The following CACNA2D1 variants were observed in gnomAD, a reference collection of about 807,000 sequenced individuals.
CACNA2D1 encodes calcium voltage-gated channel auxiliary subunit alpha2delta 1, also known as voltage-dependent calcium channel subunit alpha-2/delta-1.
CACNA2D1 carries 53 observed loss-of-function variants against 171.5 expected under a neutral mutation model. The observed-to-expected ratio is 0.31, with a 90% CI of 0.25 to 0.39. The LOEUF is 0.39. Among genes scored for constraint, CACNA2D1 ranks in the 10% least tolerant of loss-of-function variants. The pLI, the probability that CACNA2D1 is intolerant of heterozygous loss-of-function variation, is 1.00. For missense variants in CACNA2D1, 903 were observed against 1,299.8 expected, an observed-to-expected ratio of 0.69 and a Z score of 4.69; for synonymous variants, 442 against 443.1, an observed-to-expected ratio of 1.00 and a Z score of 0.03.
chr7:82,130,827 C>T (rs1242933775), intron 5 of CACNA2D1, among the ~76,000 whole-genome samples: 1 of 125,244 alleles, frequency 8.0e-6, no homozygotes, highest in Non-Finnish European at 1.6e-5. Context: ...GACAGAGTCT[C>T]GCTCTGTTGC....
chr7:81,960,264 C>CT (rs1032264652), intron 36 of CACNA2D1, among the ~76,000 whole-genome samples: 1 of 152,050 alleles, frequency 6.6e-6, no homozygotes, highest in African/African-American at 2.4e-5. Context: ...TGGAACAGTG[C>CT]TATTAAGCAA....
intron 9 of CACNA2D1, among the ~76,000 whole-genome samples, chr7:82,062,250 TCTCA>T (rs973778451): frequency 3.9e-5 from 6 of 152,106 alleles, no homozygotes; most frequent in African/African-American, 1.4e-4. Context: ...GTCAGATTTG[TCTCA>T]CTGTCAAAAT....
chr7:82,332,521 A>AGAAAGAAAGAAC (rs1817449927), intron 3 of CACNA2D1, among the ~76,000 whole-genome samples: 1 of 91,858 alleles, frequency 1.1e-5, no homozygotes, highest in Non-Finnish European at 2.3e-5. Context: ...AAAGAAAGAA[A>AGAAAGAAAGAAC]GAAAGAAAGA....
chr7:81,951,127 A>G (rs1792469293), intron 38 of CACNA2D1, among the ~76,000 whole-genome samples: 1 of 152,112 alleles, frequency 6.6e-6, no homozygotes, highest in South Asian at 2.1e-4. Flanking sequence ...TATCCAAAAT[A>G]GAGAGCTAAG....
intron 24 of CACNA2D1, among the ~76,000 whole-genome samples, chr7:81,979,017 GCAA>G (rs1796171035): frequency 6.6e-6 from 1 of 151,782 alleles, no homozygotes; most frequent in Non-Finnish European, 1.5e-5. Flanking sequence ...ACTGATACGT[GCAA>G]CAACATGGAT....
chr7:82,232,664 G>T (rs182226028), intron 3 of CACNA2D1, among the ~76,000 whole-genome samples: 106 of 151,980 alleles, frequency 7.0e-4, no homozygotes, highest in African/African-American at 2.2e-3. Flanking sequence ...AGGAGATGGA[G>T]ACCATCCTGG....
chr7:82,090,301 G>GA (rs1811000242), intron 6 of CACNA2D1, among the ~76,000 whole-genome samples: 1 of 152,064 alleles, frequency 6.6e-6, no homozygotes, highest in African/African-American at 2.4e-5. Context: ...GAAAAAAAGA[G>GA]AAAAACATTT....
At chr7:82,246,932 G>T (rs1804996584) in intron 3 of CACNA2D1, among the ~76,000 whole-genome samples, 1 of 151,788 alleles carries the variant, frequency 6.6e-6, no homozygotes, top group Non-Finnish European at 1.5e-5. Context: ...CCATATCTAG[G>T]GTCTTCTTCC....
chr7:82,380,992 G>C (rs1452813139), intron 1 of CACNA2D1, among the ~76,000 whole-genome samples: 2 of 151,862 alleles, frequency 1.3e-5, no homozygotes, highest in East Asian at 3.9e-4. Context: ...ACTGCGCCCG[G>C]CCACATTTAT....
At chr7:82,364,742 TTC>T (rs763507684) in intron 1 of CACNA2D1, among the ~76,000 whole-genome samples, 8 of 152,158 alleles carry the variant, frequency 5.3e-5, no homozygotes, top group Non-Finnish European at 7.4e-5. Flanking sequence ...CAAAGAAAAC[TTC>T]TCTGTCAGGA....
chr7:81,952,638 G>C (rs78583252), intron 38 of CACNA2D1, among the ~76,000 whole-genome samples: 2,491 of 152,082 alleles, frequency 0.016, 68 homozygotes, highest in African/African-American at 0.057. Context: ...ACTTGTTTGT[G>C]TCTCTCTCCT....
intron 38 of CACNA2D1, 35 bp from the exon 39 acceptor site, chr7:81,950,543 G>GA (rs746665846): frequency 9.5e-6 from 15 of 1,580,802 alleles, no homozygotes; most frequent in African/African-American, 1.4e-5. Flanking sequence ...AACAGAAAAA[G>GA]AAAAATCTAA....
intron 8 of CACNA2D1, among the ~76,000 whole-genome samples, chr7:82,064,678 G>A (rs1807389274): frequency 1.3e-5 from 2 of 152,022 alleles, no homozygotes; most frequent in Non-Finnish European, 2.9e-5. Flanking sequence ...GTTGACCACA[G>A]GTTTAAAAGT....
chr7:82,332,566 G>GAAAGAA (rs1182049378), intron 3 of CACNA2D1, among the ~76,000 whole-genome samples: 2 of 141,304 alleles, frequency 1.4e-5, no homozygotes, highest in Non-Finnish European at 3.1e-5. Context: ...AAGAAAGAAA[G>GAAAGAA]AACGAACAGA....
At chr7:82,092,625 C>T (rs1309529673) in intron 6 of CACNA2D1, among the ~76,000 whole-genome samples, 1 of 149,338 alleles carries the variant, frequency 6.7e-6, no homozygotes, top group Non-Finnish European at 1.5e-5. Flanking sequence ...CATCTCCTCA[C>T]CTCATGATCC....
In CACNA2D1 at chr7:82,331,856, G is replaced by A. The variant is rs920667927; in HGVS notation, c.294+3279C>T. Reference sequence around the variant, plus strand: ...TAGACTGATAAAATCAATATAAATCGAATCATTTTCCACTGTCACCTGAAT... The same window carrying A: ...TAGACTGATAAAATCAATATAAATCAAATCATTTTCCACTGTCACCTGAAT... On this transcript the variant is annotated intron_variant, in intron 3 of 38. Coordinates refer to ENST00000356860, the MANE Select transcript of CACNA2D1 (RefSeq NM_000722.4). 7.9e-5 allele frequency among the ~76,000 whole-genome samples: 12 copies of A among 152,048 alleles called. No homozygotes were observed. In the East Asian group the frequency reaches 1.9e-3, roughly 24 times the overall value.
At chr7:82,244,315 C>A (rs1804659461) in intron 3 of CACNA2D1, among the ~76,000 whole-genome samples, 1 of 152,072 alleles carries the variant, frequency 6.6e-6, no homozygotes, top group African/African-American at 2.4e-5. Context: ...ACCCAGAAAT[C>A]ATTTTATTTA....
intron 3 of CACNA2D1, among the ~76,000 whole-genome samples, chr7:82,240,157 G>A (rs571100330): frequency 4.6e-5 from 7 of 152,094 alleles, no homozygotes; most frequent in African/African-American, 9.7e-5. Context: ...ACACACCCAC[G>A]TTTAAACCCC....
intron 12 of CACNA2D1, among the ~76,000 whole-genome samples, chr7:82,030,142 T>C (rs1802498288): frequency 6.6e-6 from 1 of 151,720 alleles, no homozygotes; most frequent in Non-Finnish European, 1.5e-5. Flanking sequence ...CTGTAAAAGG[T>C]GACTGGAATG....
Sources: gnomAD v4.1 joint callset for allele counts (sites outside exome capture counted in the v4.1 genomes callset) on GRCh38, gnomAD v4.1.1 for gene constraint, MANE v1.5 for transcripts, NCBI Gene and HGNC (gene_info 2026-07-23, HGNC 2026-07-21) for gene names.